Variants in DMAC2L observed in about 807,000 individuals in gnomAD.
DMAC2L encodes the protein ATP synthase subunit s, mitochondrial.
In DMAC2L, 21 loss-of-function variants were observed where a neutral mutation model predicts 22.5. The ratio of observed to expected loss-of-function variants is 0.93; its 90% CI spans 0.66 to 1.34. The LOEUF (loss-of-function observed/expected upper bound fraction) is 1.34, where lower values mean the gene tolerates loss of function less well. Ranked by LOEUF, DMAC2L falls within the 40% of genes most tolerant of loss-of-function variation. The pLI is 0.00. For synonymous variants in DMAC2L, 86 were observed against 89.5 expected (o/e 0.96, Z 0.22); for missense variants, 239 against 246.5 (o/e 0.97, Z 0.20).
rs770459494 is a variant in DMAC2L, at chr14:50,322,627, A to G, written c.224A>G (p.Asn75Ser). ...HGQERWQKDYNHLPTGPLDKY... is the reference protein window; with the variant it reads ...HGQERWQKDYSHLPTGPLDKY... ...CAGGAGAGGTGGCAGAAGGACTACA[A>G]CCACCTTCCAACAGGCCCTCTGGAC... is the stretch of plus-strand genomic sequence containing the variant. Residue 75 changes from asparagine (N) to serine (S), a missense_variant, in exon 4 of 6, where the codon AAC becomes AGC. Coordinates refer to ENST00000557421, the MANE Select transcript of DMAC2L (RefSeq NM_001382507.1). 16 of 1,614,106 alleles carry G rather than the reference A, an allele frequency of 9.9e-6. No individual in the cohort carries two copies. In the Admixed American group the frequency reaches 1.2e-4, roughly 12 times the overall value.
At chr14:50,314,658 T>C (rs1005732755) in intron 2 of DMAC2L, 32 bp downstream of exon 2, 13 of 454,124 alleles carry the variant, frequency 2.9e-5, no homozygotes, top group South Asian at 2.0e-4. Flanking sequence ...ATTTTTATTT[T>C]TGAGACAGGG....
chr14:50,325,054 G>A (rs570421342), intron 5 of DMAC2L, among the ~76,000 whole-genome samples: 2 of 152,322 alleles, frequency 1.3e-5, no homozygotes, highest in East Asian at 1.9e-4. Flanking sequence ...GATTACAGGC[G>A]TGAGCCACCG....
At chr14:50,322,102 G>A (rs944373929) in intron 3 of DMAC2L, among the ~76,000 whole-genome samples, 3 of 152,106 alleles carry the variant, frequency 2.0e-5, no homozygotes, top group Non-Finnish European at 2.9e-5. Context: ...CACTTAATGA[G>A]ATTAATTTGA....
At position 50,327,439 on chromosome 14, in the gene DMAC2L, TTC is replaced by T. The variant is rs1172743043; in HGVS notation, c.*1718_*1719del. 2 of 151,596 alleles carry T rather than the reference TTC, an allele frequency of 1.3e-5. No individual in the cohort carries two copies. The highest frequency in any genetic ancestry group is 2.9e-5 in the Non-Finnish European group (2 of 68,136). 9.4% of individuals were successfully genotyped at this position (151,596 alleles called of 1,614,324 possible). On this transcript the variant is annotated 3_prime_UTR_variant, in exon 6 of 6. Coordinates refer to ENST00000557421, the MANE Select transcript of DMAC2L (RefSeq NM_001382507.1). ...CTTATATGCCAGTTTGTTTATAGAT[TTC>T]TGTGTGTTTGATTTGAACTTTTTTT...
At chr14:50,323,390 CTTTTTTTTTTT>C (rs10609243) in intron 4 of DMAC2L, among the ~76,000 whole-genome samples, 1 of 93,330 alleles carries the variant, frequency 1.1e-5, no homozygotes, top group African/African-American at 4.3e-5. Context: ...CACCCGGCCT[CTTTTTTTTTTT>C]TTTTTTTTTT....
chr14:50,314,128 C>T (rs564152874), intron 1 of DMAC2L, among the ~76,000 whole-genome samples: 54 of 152,296 alleles, frequency 3.5e-4, no homozygotes, highest in African/African-American at 1.2e-3. Flanking sequence ...GCTGTGTCCC[C>T]ACCCAAATCT....
At chr14:50,319,500 C>A (rs1439551873) in intron 2 of DMAC2L, among the ~76,000 whole-genome samples, 1 of 152,184 alleles carries the variant, frequency 6.6e-6, no homozygotes, top group African/African-American at 2.4e-5. Context: ...AACACTGCCA[C>A]CAATTAGTCA....
At position 50,322,675 on chromosome 14, in the gene DMAC2L, A is replaced by G. The variant is rs2032378880; in HGVS notation, c.272A>G (p.Asp91Gly). 6.2e-7 allele frequency: 1 copy of G among 1,614,056 alleles called. No individual in the cohort carries two copies. The highest frequency in any genetic ancestry group is 8.5e-7 in the Non-Finnish European group (1 of 1,180,000). Reference protein sequence around the residue: ...PLDKYKIQAIDATDSCIMSIG... With the variant: ...PLDKYKIQAIGATDSCIMSIG... The stretch of plus-strand genomic sequence containing the variant: ...GACAAATACAAGATTCAGGCGATCG[A>G]CGCCACCGACTCTTGTATCATGAGC... Residue 91 changes from aspartate to glycine, a missense_variant, in exon 4 of 6, where the codon GAC becomes GGC. Physicochemically the swap from Asp to Gly is moderately conservative, Grantham distance 94 (BLOSUM62 -1). Transcript: ENST00000557421.
rs770408251 is a variant in DMAC2L, at chr14:50,322,553, G to A, written c.150G>A (p.Ala50=). Residue 50 remains alanine (A), a synonymous_variant, in exon 4 of 6, where the codon GCG becomes GCA. Coordinates refer to ENST00000557421, the MANE Select transcript of DMAC2L (RefSeq NM_001382507.1). ...TCAGGGATGTTGGCCCTGACAGGGCGGCATCCGAGTGGTTGCTGCGCTGTG... is the reference window on the plus strand; with the variant it reads ...TCAGGGATGTTGGCCCTGACAGGGCAGCATCCGAGTGGTTGCTGCGCTGTG... ...DRIRDVGPDR[A]ASEWLLRCGA... The A allele has an allele frequency of 1.6e-5, 26 of 1,613,538 alleles. No individual in the cohort carries two copies. Among genetic ancestry groups the A allele is most frequent in the African/African-American group, 5.3e-5 (4 of 74,890 alleles).
chr14:50,311,912 C>T, upstream of DMAC2L: 15 of 1,494,476 alleles, frequency 1.0e-5, no homozygotes, highest in Non-Finnish European at 1.3e-5. Flanking sequence ...CTGCTCTCAC[C>T]CCGGGACAGG....
rs914769767 is a variant in DMAC2L at position 50,313,906 on chromosome 14, T to C, written c.-41-685T>C. Among the ~76,000 whole-genome samples, 6 of 152,208 alleles carry C rather than the reference T, an allele frequency of 3.9e-5. No individual in the cohort carries two copies. In the East Asian group the frequency reaches 5.8e-4, roughly 15 times the overall value. On this transcript the variant is annotated intron_variant, in intron 1 of 5. Transcript: ENST00000557421. ...AACTTACCTTTGCAGCCCCACCCAA[T>C]CTATTCTCTGTTTCTAAAATTTTGT...
At chr14:50,319,661 C>T (rs901819576) in intron 2 of DMAC2L, among the ~76,000 whole-genome samples, 4 of 152,194 alleles carry the variant, frequency 2.6e-5, no homozygotes, top group African/African-American at 4.8e-5. Context: ...GATCTAAATT[C>T]CTTACAGCTC....
At chr14:50,325,479 A>C (rs1177413484) in intron 5 of DMAC2L, 130 bp from the exon 6 acceptor site, 2 of 1,128,256 alleles carry the variant, frequency 1.8e-6, no homozygotes, top group African/African-American at 1.6e-5. Flanking sequence ...CTACTGCTCT[A>C]AAAGTAATTT....
At chr14:50,322,045 A>G (rs2032319179) in intron 3 of DMAC2L, among the ~76,000 whole-genome samples, 1 of 152,230 alleles carries the variant, frequency 6.6e-6, no homozygotes, top group Non-Finnish European at 1.5e-5. Flanking sequence ...ATACAGCATT[A>G]TGATCACTAG....
At position 50,325,816 on chromosome 14, in the gene DMAC2L, G is replaced by C; in HGVS notation, c.*93G>C. ...ATATAGTCATCAGTAGAATTATAAG[G>C]ATGCCATATCATGACATTTTAGAAG... On this transcript the variant is annotated 3_prime_UTR_variant, in exon 6 of 6. Transcript: ENST00000557421. 6.8e-7 allele frequency: 1 copy of C among 1,469,740 alleles called. No individual in the cohort carries two copies. The highest frequency in any genetic ancestry group is 2.4e-5 in the East Asian group (1 of 41,166). 91.0% of individuals were successfully genotyped at this position (1,469,740 alleles called of 1,614,324 possible).
At chr14:50,321,456 A>C (rs1240468191) in intron 2 of DMAC2L, 27 bp from the exon 3 acceptor site, 2 of 1,612,774 alleles carry the variant, frequency 1.2e-6, no homozygotes. Context: ...ATGATGATCT[A>C]ATGTAAGTAC....
Position 50,315,689 on chromosome 14 carries a change from A to AG in DMAC2L, c.-6+1064dup, listed in dbSNP as rs1491130544. ...AAAAAAAAAAAAAAAAAAAAAAAAAAGAGTAATAAATTCCAATCCTATTCA... is the reference window on the plus strand; with the variant it reads ...AAAAAAAAAAAAAAAAAAAAAAAAAAGGAGTAATAAATTCCAATCCTATTCA... On this transcript the variant is annotated intron_variant, in intron 2 of 5. Transcript: ENST00000557421. 5.0e-4 allele frequency among the ~76,000 whole-genome samples: 68 copies of AG among 137,156 alleles called. 1 individual carries two copies. Among genetic ancestry groups the AG allele is most frequent in the Non-Finnish European group, 8.9e-4 (57 of 63,744 alleles). The allele number at this position is 137,156 out of a possible 152,430, so 90.0% of individuals were successfully genotyped here.
At chr14:50,315,883 C>CT (rs2031755453) in intron 2 of DMAC2L, among the ~76,000 whole-genome samples, 1 of 152,048 alleles carries the variant, frequency 6.6e-6, no homozygotes, top group Non-Finnish European at 1.5e-5. Context: ...GTGCAAGTAT[C>CT]TTTTTTGTAT....
intron 1 of DMAC2L, chr14:50,312,595 C>T (rs1566549280): frequency 3.6e-6 from 1 of 274,824 alleles, no homozygotes; most frequent in African/African-American, 2.3e-5. Flanking sequence ...GGCCCTGCGG[C>T]TTCTTTCTTC....
Sources: allele counts gnomAD v4.1 joint callset (sites outside exome capture counted in the v4.1 genomes callset), GRCh38; gene constraint gnomAD v4.1.1; transcripts MANE v1.5; gene names NCBI Gene and HGNC (gene_info 2026-07-23, HGNC 2026-07-21).